Variants in ASCC3 observed in about 807,000 individuals in gnomAD.
ASCC3 encodes activating signal cointegrator 1 complex subunit 3.
ASCC3 carries 158 observed loss-of-function variants against 256.3 expected under a neutral mutation model. The observed-to-expected ratio is 0.62, with a 90% confidence interval of 0.54 to 0.70. The LOEUF (loss-of-function observed/expected upper bound fraction) is 0.70, where lower values mean the gene tolerates loss of function less well. Among genes scored for constraint, ASCC3 ranks in the 30% least tolerant of loss-of-function variants. The pLI, the probability that ASCC3 is intolerant of heterozygous loss-of-function variation, is 0.00. For missense variants in ASCC3, 2,259 were observed against 2,626.0 expected (o/e 0.86, Z 3.05); for synonymous variants, 948 against 883.4 (o/e 1.07, Z -1.30).
At chr6:100,864,032 TAAAAAA>T (rs201325406) in intron 3 of ASCC3, 26 bp downstream of exon 3, 4 of 1,194,420 alleles carry the variant, frequency 3.3e-6, no homozygotes, top group Non-Finnish European at 4.6e-6. Context: ...TGGTTCTCTT[TAAAAAA>T]AAAAAAGAAA....
chr6:100,721,443 C>G (rs972444444), intron 11 of ASCC3, among the ~76,000 whole-genome samples: 6 of 151,602 alleles, frequency 4.0e-5, no homozygotes, highest in African/African-American at 1.5e-4. Flanking sequence ...GTAAATCATG[C>G]CCTGAATGCT....
chr6:100,587,980 G>A (rs751866040), intron 36 of ASCC3, among the ~76,000 whole-genome samples: 22 of 152,132 alleles, frequency 1.4e-4, no homozygotes, highest in Non-Finnish European at 3.1e-4. Context: ...CATGTATCTA[G>A]TTTTAAATTA....
At chr6:100,793,613 A>G (rs1769458363) in intron 8 of ASCC3, among the ~76,000 whole-genome samples, 1 of 152,058 alleles carries the variant, frequency 6.6e-6, no homozygotes, top group South Asian at 2.1e-4. Flanking sequence ...ATGAGGAAGG[A>G]AACACAAATG....
chr6:100,724,310 T>G (rs1779520260), intron 11 of ASCC3, among the ~76,000 whole-genome samples: 1 of 151,448 alleles, frequency 6.6e-6, no homozygotes, highest in Non-Finnish European at 1.5e-5. Context: ...GTTTGAGAAC[T>G]GGTAACTGGT....
In ASCC3 at chr6:100,589,670, A is replaced by G. The variant is rs2114771460; in HGVS notation, c.5514T>C (p.Pro1838=). The G allele has an allele frequency of 6.2e-7, 1 of 1,613,778 alleles. No homozygotes were observed. The highest frequency in any genetic ancestry group is 8.5e-7 in the Non-Finnish European group (1 of 1,179,806). ...TVKMFKDRLK[P]ECSTEELLSI... Reference sequence around the variant, plus strand: ...AAAGCAGTTCTTCAGTACTGCATTCAGGCTTCAAGCGGTCCTTGAACATTT... The same window carrying G: ...AAAGCAGTTCTTCAGTACTGCATTCGGGCTTCAAGCGGTCCTTGAACATTT... The change falls in exon 36 of 42, where the codon CCT becomes CCC. Residue 1838 remains proline (P), a synonymous_variant. Coordinates refer to ENST00000369162, the MANE Select transcript of ASCC3 (RefSeq NM_006828.4).
At chr6:100,747,837 TAGTTATACCTC>T (rs1364954039) in intron 10 of ASCC3, among the ~76,000 whole-genome samples, 2 of 151,956 alleles carry the variant, frequency 1.3e-5, no homozygotes, top group Non-Finnish European at 2.9e-5. Context: ...TTGTGCACAT[TAGTTATACCTC>T]AATAAAGCTG....
At chr6:100,693,596 T>G (rs1777938647) in intron 13 of ASCC3, among the ~76,000 whole-genome samples, 1 of 152,192 alleles carries the variant, frequency 6.6e-6, no homozygotes, top group South Asian at 2.1e-4. Flanking sequence ...GTGTTCAAGC[T>G]GGGATTTTAG....
At chr6:100,836,211 C>T (rs1182772001) in intron 4 of ASCC3, among the ~76,000 whole-genome samples, 1 of 152,038 alleles carries the variant, frequency 6.6e-6, no homozygotes, top group Non-Finnish European at 1.5e-5. Context: ...GACAATTTAA[C>T]TCCTTCCTTC....
At chr6:100,847,633 C>T (rs2114501818) in intron 4 of ASCC3, among the ~76,000 whole-genome samples, 1 of 152,216 alleles carries the variant, frequency 6.6e-6, no homozygotes, top group Non-Finnish European at 1.5e-5. Context: ...TACCATTTTG[C>T]ATATATCACA....
At chr6:100,861,238 A>G (rs1773210446) in intron 3 of ASCC3, among the ~76,000 whole-genome samples, 1 of 152,116 alleles carries the variant, frequency 6.6e-6, no homozygotes, top group African/African-American at 2.4e-5. Flanking sequence ...CATACAAACC[A>G]CAGGATTCAC....
chr6:100,805,417 A>G (rs1468734663), intron 5 of ASCC3, among the ~76,000 whole-genome samples: 1 of 152,108 alleles, frequency 6.6e-6, no homozygotes, highest in Non-Finnish European at 1.5e-5. Context: ...AACTATGTTC[A>G]TCACTTGGGT....
At chr6:100,818,507 G>C (rs1452322429) in intron 4 of ASCC3, among the ~76,000 whole-genome samples, 1 of 150,678 alleles carries the variant, frequency 6.6e-6, no homozygotes, top group Non-Finnish European at 1.5e-5. Flanking sequence ...GCAAGGTGGA[G>C]GTTGCCGAGA....
Position 100,755,704 on chromosome 6 carries a change from A to G in ASCC3, c.1737+10861T>C, listed in dbSNP as rs565042919. On this transcript the variant is annotated intron_variant, in intron 10 of 41. Transcript: ENST00000369162. ...GAGTATAATAAAAGTTTAAATTTCA[A>G]ATATTTCTATTATTTTCATTTTCAC... Among the ~76,000 whole-genome samples the G allele has an allele frequency of 3.9e-5, 6 of 152,176 alleles. No individual in the cohort carries two copies. In the South Asian group the frequency reaches 1.2e-3, roughly 32 times the overall value.
intron 5 of ASCC3, among the ~76,000 whole-genome samples, chr6:100,800,943 G>A (rs993035476): frequency 8.6e-5 from 13 of 151,698 alleles, no homozygotes; most frequent in Admixed American, 5.9e-4. Flanking sequence ...GACCTTATGC[G>A]GTTAAGTTGC....
chr6:100,746,749 G>C (rs1193975373), intron 10 of ASCC3, among the ~76,000 whole-genome samples: 2 of 151,962 alleles, frequency 1.3e-5, no homozygotes, highest in African/African-American at 4.8e-5. Context: ...AAATAACTTT[G>C]AAAAAGAACA....
intron 36 of ASCC3, among the ~76,000 whole-genome samples, chr6:100,586,316 G>C (rs565565225): frequency 1.3e-5 from 2 of 152,154 alleles, no homozygotes; most frequent in Non-Finnish European, 2.9e-5. Context: ...CCTTGCTGCC[G>C]CCTTGCAGTT....
At chr6:100,679,260 T>C (rs1229238009) in intron 14 of ASCC3, among the ~76,000 whole-genome samples, 6 of 151,852 alleles carry the variant, frequency 4.0e-5, no homozygotes, top group African/African-American at 1.5e-4. Flanking sequence ...ATATTAACCT[T>C]AGAAATCAAA....
intron 36 of ASCC3, among the ~76,000 whole-genome samples, chr6:100,568,639 TTGTC>T (rs1370701999): frequency 1.3e-5 from 2 of 151,766 alleles, no homozygotes; most frequent in African/African-American, 2.4e-5. Context: ...TTTCTGTAGG[TTGTC>T]TGTTTGGTCT....
intron 4 of ASCC3, among the ~76,000 whole-genome samples, chr6:100,836,637 G>T (rs1456387254): frequency 6.6e-6 from 1 of 152,020 alleles, no homozygotes; most frequent in Non-Finnish European, 1.5e-5. Context: ...TTTGAATTTG[G>T]ATTGCTAGTA....
Sources: gnomAD v4.1 joint callset for allele counts (sites outside exome capture counted in the v4.1 genomes callset) on GRCh38, gnomAD v4.1.1 for gene constraint, MANE v1.5 for transcripts, NCBI Gene and HGNC (gene_info 2026-07-23, HGNC 2026-07-21) for gene names.